The following CHST11 variants were observed in gnomAD, a reference collection of about 807,000 sequenced individuals.
The protein encoded by CHST11 is C4S-1.
Under a neutral mutation model 30.4 loss-of-function variants are expected in CHST11, and 9 were observed. The ratio of observed to expected loss-of-function variants is 0.30; its 90% CI spans 0.18 to 0.52. The LOEUF is 0.52. CHST11 is among the 20% of genes least tolerant of loss of function. The pLI is 0.97. For synonymous variants in CHST11, 152 were observed against 187.8 expected, an observed-to-expected ratio of 0.81 and a Z score of 1.56; for missense variants, 348 against 460.6, an observed-to-expected ratio of 0.76 and a Z score of 2.24.
At chr12:104,574,785 C>T (rs1402000126) in intron 1 of CHST11, among the ~76,000 whole-genome samples, 1 of 150,510 alleles carries the variant, frequency 6.6e-6, no homozygotes, top group African/African-American at 2.5e-5. Flanking sequence ...TGCAGCACAC[C>T]AACATGGCAC....
chr12:104,680,477 G>T lies in CHST11; in HGVS notation c.205-76472G>T, dbSNP rs563842509. ...AGGCACACAGGGGCCAATCTGCGGGGCCTGGTCAGACCACAGAAGTAAGGA... is the reference window on the plus strand; with the variant it reads ...AGGCACACAGGGGCCAATCTGCGGGTCCTGGTCAGACCACAGAAGTAAGGA... On this transcript the variant is annotated intron_variant, in intron 2 of 2. Transcript: ENST00000303694. Among the ~76,000 whole-genome samples, 6 of 152,338 alleles carry T rather than the reference G, an allele frequency of 3.9e-5. No homozygotes were observed. In the East Asian group the frequency reaches 5.8e-4, roughly 15 times the overall value.
chr12:104,485,592 G>T (rs2037669589), intron 1 of CHST11, among the ~76,000 whole-genome samples: 1 of 152,202 alleles, frequency 6.6e-6, no homozygotes, highest in Admixed American at 6.5e-5. Context: ...GTGTGCAGTT[G>T]TGACAATGGC....
intron 2 of CHST11, among the ~76,000 whole-genome samples, chr12:104,680,604 A>G (rs1026313213): frequency 1.8e-4 from 27 of 152,182 alleles, no homozygotes; most frequent in Non-Finnish European, 3.1e-4. Flanking sequence ...ATTTCTGCTT[A>G]TTGGGTCAGT....
At chr12:104,657,717 G>T (rs192331677) in intron 2 of CHST11, among the ~76,000 whole-genome samples, 39 of 152,274 alleles carry the variant, frequency 2.6e-4, no homozygotes, top group Middle Eastern at 6.8e-3. Context: ...CCAGGTGATG[G>T]TGGCGCTGGC....
chr12:104,513,138 T>TGGGGGGGGGGGGG (rs1565969843), intron 1 of CHST11, among the ~76,000 whole-genome samples: 2 of 3,338 alleles, frequency 6.0e-4, no homozygotes, highest in Non-Finnish European at 1.2e-3. Flanking sequence ...GGGGGGGGGG[T>TGGGGGGGGGGGGG]TGGGGGTGGG....
intron 2 of CHST11, among the ~76,000 whole-genome samples, chr12:104,694,763 G>A (rs951914603): frequency 2.6e-5 from 4 of 152,200 alleles, no homozygotes; most frequent in African/African-American, 9.7e-5. Flanking sequence ...AGAGCTGTTC[G>A]TGATGGGAGA....
At chr12:104,641,530 CT>C (rs2039377151) in intron 2 of CHST11, among the ~76,000 whole-genome samples, 1 of 152,146 alleles carries the variant, frequency 6.6e-6, no homozygotes, top group Non-Finnish European at 1.5e-5. Flanking sequence ...GAATTTGCCC[CT>C]GCCAGCACCC....
chr12:104,672,746 T>C (rs2039707654), intron 2 of CHST11, among the ~76,000 whole-genome samples: 1 of 152,224 alleles, frequency 6.6e-6, no homozygotes, highest in Non-Finnish European at 1.5e-5. Context: ...ATTCTGACTG[T>C]GACTCTCCCT....
At chr12:104,670,842 C>T (rs2039689157) in intron 2 of CHST11, among the ~76,000 whole-genome samples, 1 of 150,752 alleles carries the variant, frequency 6.6e-6, no homozygotes, top group African/African-American at 2.4e-5. Flanking sequence ...CACACACACT[C>T]CCACACATAC....
intron 2 of CHST11, among the ~76,000 whole-genome samples, chr12:104,728,115 A>G (rs543274872): frequency 4.6e-5 from 7 of 152,358 alleles, no homozygotes; most frequent in Admixed American, 1.3e-4. Context: ...CATTCTCTAC[A>G]TCAGGAGAGT....
rs568839593 is a variant in CHST11, at chr12:104,550,187, AC to A, written c.119-51714del. 1.3e-4 allele frequency among the ~76,000 whole-genome samples: 19 copies of A among 151,842 alleles called. No individual in the cohort carries two copies. The East Asian group carries it at 3.5e-3, about 28-fold the overall frequency. ...TAGGCTTTCCAGTCTAGAGCTTACGACCCCCAGTGCAGGAGTAGCTTGGTTC... is the reference window on the plus strand; with the variant it reads ...TAGGCTTTCCAGTCTAGAGCTTACGACCCCAGTGCAGGAGTAGCTTGGTTC... On this transcript the variant is annotated intron_variant, in intron 1 of 2. Transcript: ENST00000303694.
At chr12:104,599,929 T>G (rs1027513890) in intron 1 of CHST11, among the ~76,000 whole-genome samples, 1 of 152,228 alleles carries the variant, frequency 6.6e-6, no homozygotes, top group South Asian at 2.1e-4. Context: ...TGTTCATCAG[T>G]GAAGTTTTGT....
At chr12:104,579,067 C>T (rs2038713085) in intron 1 of CHST11, among the ~76,000 whole-genome samples, 1 of 152,154 alleles carries the variant, frequency 6.6e-6, no homozygotes, top group African/African-American at 2.4e-5. Flanking sequence ...TATCAAAGGG[C>T]TTGGTTACAT....
At chr12:104,703,360 C>T (rs974619653) in intron 2 of CHST11, among the ~76,000 whole-genome samples, 1 of 152,238 alleles carries the variant, frequency 6.6e-6, no homozygotes, top group East Asian at 1.9e-4. Context: ...CCCACCTCAA[C>T]AAATGCAACC....
chr12:104,562,782 C>T (rs2038526473), intron 1 of CHST11, among the ~76,000 whole-genome samples: 1 of 152,164 alleles, frequency 6.6e-6, no homozygotes, highest in Admixed American at 6.5e-5. Flanking sequence ...TCTTTGGGGG[C>T]CCTACCTGAG....
At chr12:104,608,359 C>G (rs7972130) in intron 2 of CHST11, among the ~76,000 whole-genome samples, 123,114 of 152,018 alleles carry the variant, frequency 0.81, 50,095 homozygotes, top group East Asian at 0.93. Context: ...CAAATAACTC[C>G]CCATCTTCCT....
At chr12:104,678,711 A>G (rs1051516600) in intron 2 of CHST11, among the ~76,000 whole-genome samples, 3 of 152,156 alleles carry the variant, frequency 2.0e-5, no homozygotes, top group Non-Finnish European at 4.4e-5. Context: ...ATGAAAGGAC[A>G]AGGTTTTTAT....
At chr12:104,732,122 C>A (rs1399000515) in intron 2 of CHST11, among the ~76,000 whole-genome samples, 1 of 152,260 alleles carries the variant, frequency 6.6e-6, no homozygotes, top group Non-Finnish European at 1.5e-5. Flanking sequence ...TTTGGGTACA[C>A]CTCAGCATCA....
chr12:104,527,060 C>T (rs886346776), intron 1 of CHST11, among the ~76,000 whole-genome samples: 11 of 152,160 alleles, frequency 7.2e-5, no homozygotes, highest in East Asian at 1.9e-4. Context: ...CATGGTGTAA[C>T]GGGTTGAATT....
Sources: gnomAD v4.1 joint callset for allele counts (sites outside exome capture counted in the v4.1 genomes callset) on GRCh38, gnomAD v4.1.1 for gene constraint, MANE v1.5 for transcripts, NCBI Gene and HGNC (gene_info 2026-07-23, HGNC 2026-07-21) for gene names.